The following LDLRAD4 variants were observed in gnomAD, a reference collection of about 807,000 sequenced individuals.
LDLRAD4 encodes the protein low-density lipoprotein receptor class A domain-containing protein 4.
A neutral mutation model predicts 17.0 loss-of-function variants in LDLRAD4; 5 were observed. The observed-to-expected ratio is 0.29, with a 90% confidence interval of 0.15 to 0.62. The LOEUF is 0.62. Among genes scored for constraint, LDLRAD4 ranks in the 20% least tolerant of loss-of-function variants. The pLI is 0.84. For synonymous variants in LDLRAD4, 168 were observed against 171.8 expected, an observed-to-expected ratio of 0.98 and a Z score of 0.17; for missense variants, 340 against 424.7, an observed-to-expected ratio of 0.80 and a Z score of 1.75.
intron 2 of LDLRAD4, among the ~76,000 whole-genome samples, chr18:13,397,646 T>C (rs901562967): frequency 1.1e-4 from 17 of 152,160 alleles, no homozygotes; most frequent in Non-Finnish European, 2.4e-4. Flanking sequence ...TTATCTTGTC[T>C]GTAGAGCCCT....
intron 1 of LDLRAD4, among the ~76,000 whole-genome samples, chr18:13,358,277 T>C (rs2083460091): frequency 6.6e-6 from 1 of 152,054 alleles, no homozygotes; most frequent in Non-Finnish European, 1.5e-5. Flanking sequence ...TTTATATCTA[T>C]GCATCTATTT....
chr18:13,607,376 T>C (rs1334319196), intron 3 of LDLRAD4, among the ~76,000 whole-genome samples: 6 of 152,262 alleles, frequency 3.9e-5, no homozygotes, highest in Non-Finnish European at 8.8e-5. Flanking sequence ...TGTTTACAAA[T>C]GCTAACTTTA....
chr18:13,612,363 C>T (rs2039651574), intron 3 of LDLRAD4: 2 of 1,150,006 alleles, frequency 1.7e-6, no homozygotes, highest in Non-Finnish European at 1.1e-6. Context: ...TCGGAGACCC[C>T]GGACTTATTC....
At chr18:13,650,302 T>A (rs1024464920) in exon 6 of LDLRAD4, 139 of 404,548 alleles carry the variant, frequency 3.4e-4, no homozygotes, top group Admixed American at 1.7e-3. Flanking sequence ...GAAGCTGCTG[T>A]CTGAGTGTAG....
rs533142711 is a variant in LDLRAD4, at chr18:13,309,601, CCTT to C, written c.-383+31416_-383+31418del. On this transcript the variant is annotated intron_variant, in intron 1 of 5. Transcript: ENST00000359446. The stretch of plus-strand genomic sequence containing the variant: ...ATGTTGAAGGCCATAAAGGAAATAA[CCTT>C]CTCTTAAAAACAAGTTAGAGTCAGT... Among the ~76,000 whole-genome samples the C allele has an allele frequency of 1.1e-4, 16 of 152,298 alleles. No homozygotes were observed. The South Asian group carries it at 2.9e-3, about 28-fold the overall frequency.
chr18:13,253,861 T>C (rs1282997019), intron 1 of LDLRAD4, among the ~76,000 whole-genome samples: 1 of 152,210 alleles, frequency 6.6e-6, no homozygotes, highest in Non-Finnish European at 1.5e-5. Flanking sequence ...ACAAATCTCA[T>C]GGCAGGATGG....
intron 3 of LDLRAD4, chr18:13,519,852 C>G (rs1859885963): frequency 6.6e-6 from 1 of 152,140 alleles, no homozygotes; most frequent in African/African-American, 2.4e-5. Flanking sequence ...TTTACCAGCT[C>G]ATATTGATTT....
At chr18:13,521,268 C>T (rs776210734) in intron 3 of LDLRAD4, 1 of 152,088 alleles carries the variant, frequency 6.6e-6, no homozygotes, top group Non-Finnish European at 1.5e-5. Context: ...TGTGTCTTAA[C>T]CATGAATATT....
chr18:13,239,205 T>C (rs993311593), intron 1 of LDLRAD4, among the ~76,000 whole-genome samples: 7 of 108,042 alleles, frequency 6.5e-5, no homozygotes, highest in African/African-American at 2.8e-4. Flanking sequence ...AAAAAAAAAA[T>C]TGCTGCTTGT....
At chr18:13,375,170 C>T (rs999265688) in intron 1 of LDLRAD4, among the ~76,000 whole-genome samples, 2 of 152,158 alleles carry the variant, frequency 1.3e-5, no homozygotes, top group African/African-American at 4.8e-5. Context: ...CCAAGTTTAC[C>T]TCTAGGCCAG....
At chr18:13,276,809 A>G (rs1029008011), upstream of LDLRAD4, among the ~76,000 whole-genome samples, 2 of 152,190 alleles carry the variant, frequency 1.3e-5, no homozygotes, top group Non-Finnish European at 2.9e-5. Flanking sequence ...GCTTCCACCT[A>G]CACTCAAGGG....
intron 1 of LDLRAD4, among the ~76,000 whole-genome samples, chr18:13,221,456 A>G (rs1169022126): frequency 6.6e-6 from 1 of 152,190 alleles, no homozygotes; most frequent in African/African-American, 2.4e-5. Flanking sequence ...TTACGGGTGT[A>G]CATGGAAGAT....
intron 4 of LDLRAD4, among the ~76,000 whole-genome samples, chr18:13,631,016 AGT>A (rs1182157508): frequency 6.6e-6 from 1 of 151,994 alleles, no homozygotes; most frequent in South Asian, 2.1e-4. Flanking sequence ...TGGAAAGGAG[AGT>A]GTAGCTGAGA....
chr18:13,524,624 T>C (rs1007667546), intron 3 of LDLRAD4, among the ~76,000 whole-genome samples: 11 of 152,216 alleles, frequency 7.2e-5, no homozygotes, highest in Non-Finnish European at 7.3e-5. Context: ...AATAACCATT[T>C]ATTATGAATA....
chr18:13,506,690 G>C (rs1378656506), intron 3 of LDLRAD4, among the ~76,000 whole-genome samples: 2 of 152,200 alleles, frequency 1.3e-5, no homozygotes, highest in African/African-American at 4.8e-5. Context: ...ATGCCATGTA[G>C]GATTTTCATA....
intron 3 of LDLRAD4, among the ~76,000 whole-genome samples, chr18:13,596,079 G>T (rs966377593): frequency 9.2e-5 from 14 of 152,122 alleles, no homozygotes; most frequent in African/African-American, 3.4e-4. Context: ...GTGTGTAACT[G>T]TTCATTCTTT....
chr18:13,634,404 A>G (rs539537728), intron 4 of LDLRAD4, among the ~76,000 whole-genome samples: 8 of 152,376 alleles, frequency 5.3e-5, no homozygotes, highest in Non-Finnish European at 8.8e-5. Flanking sequence ...GCAAAAATCA[A>G]TTGCATTTAT....
intron 4 of LDLRAD4, among the ~76,000 whole-genome samples, chr18:13,629,892 C>G (rs1422755095): frequency 2.0e-5 from 3 of 152,150 alleles, no homozygotes; most frequent in African/African-American, 7.2e-5. Context: ...CCCAGCAGCT[C>G]TGTGACCTTG....
intron 2 of LDLRAD4, among the ~76,000 whole-genome samples, chr18:13,435,309 A>G (rs1194563185): frequency 6.6e-6 from 1 of 152,256 alleles, no homozygotes; most frequent in East Asian, 1.9e-4. Context: ...TATTTTCTAT[A>G]TCACATCAAG....
Sources: gnomAD v4.1 joint callset for allele counts (sites outside exome capture counted in the v4.1 genomes callset) on GRCh38, gnomAD v4.1.1 for gene constraint, MANE v1.5 for transcripts, NCBI Gene and HGNC (gene_info 2026-07-23, HGNC 2026-07-21) for gene names.